The following PHC3 variants were observed in gnomAD, a reference collection of about 807,000 sequenced individuals.
PHC3 encodes polyhomeotic-like protein 3.
PHC3 carries 13 observed loss-of-function variants against 107.4 expected under a neutral mutation model. The ratio of observed to expected loss-of-function variants is 0.12; its 90% CI spans 0.08 to 0.19. PHC3 has a LOEUF of 0.19. Ranked by LOEUF, PHC3 falls within the 10% of genes least tolerant of loss-of-function variation. PHC3 has a pLI of 1.00. For missense variants in PHC3, 992 were observed against 1,210.9 expected (o/e 0.82, Z 2.68); for synonymous variants, 456 against 427.4 (o/e 1.07, Z -0.83).
chr3:170,114,730 C>A (rs1022362641), intron 10 of PHC3, among the ~76,000 whole-genome samples: 1 of 152,110 alleles, frequency 6.6e-6, no homozygotes, highest in Non-Finnish European at 1.5e-5. Context: ...CACTGGTGAG[C>A]CCTCAGCTAA....
At chr3:170,120,730 G>A (rs768071327) in intron 9 of PHC3, among the ~76,000 whole-genome samples, 7 of 152,160 alleles carry the variant, frequency 4.6e-5, no homozygotes, top group Admixed American at 2.0e-4. Context: ...ATAGAAGCTC[G>A]AGAGAAAAGA....
In PHC3 at chr3:170,176,879, T is replaced by A. The variant is rs76506725; in HGVS notation, c.180+1894A>T. 2.9e-3 allele frequency: 1,330 copies of A among 452,842 alleles called. 7 individuals are homozygous for A. Among genetic ancestry groups the A allele is most frequent in the Non-Finnish European group, 4.9e-3 (1,108 of 226,130 alleles). The allele number at this position is 452,842 out of a possible 1,614,324, so 28.1% of individuals were successfully genotyped here. ...AGTAGTCTCACCCTCATTTTAGTTTTCTGAGGCTCAAGGGGATTATGTCTC... is the reference window on the plus strand; with the variant it reads ...AGTAGTCTCACCCTCATTTTAGTTTACTGAGGCTCAAGGGGATTATGTCTC... On this transcript the variant is annotated intron_variant, in intron 2 of 14. Coordinates refer to ENST00000495893, the MANE Select transcript of PHC3 (RefSeq NM_024947.4).
chr3:170,176,601 T>C (rs1167989021), intron 2 of PHC3, among the ~76,000 whole-genome samples: 1 of 152,224 alleles, frequency 6.6e-6, no homozygotes, highest in African/African-American at 2.4e-5. Flanking sequence ...GGGAAAGTTA[T>C]TTAGCTGATT....
At chr3:170,177,666 ATTTTTT>A (rs67401455) in intron 2 of PHC3, among the ~76,000 whole-genome samples, 1 of 101,968 alleles carries the variant, frequency 9.8e-6, no homozygotes, top group Non-Finnish European at 1.9e-5. Context: ...CACGCCCAGC[ATTTTTT>A]TTTTTTTTTT....
intron 7 of PHC3, among the ~76,000 whole-genome samples, chr3:170,134,159 AT>A (rs1462559520): frequency 1.3e-5 from 2 of 151,966 alleles, no homozygotes; most frequent in African/African-American, 2.4e-5. Flanking sequence ...AAAAAAAAAA[AT>A]AAGAATTCGT....
chr3:170,153,383 T>C (rs1205309342), intron 4 of PHC3, among the ~76,000 whole-genome samples: 2 of 152,154 alleles, frequency 1.3e-5, no homozygotes, highest in African/African-American at 4.8e-5. Flanking sequence ...CTTTAATATC[T>C]GCAAACTGAT....
intron 8 of PHC3, among the ~76,000 whole-genome samples, chr3:170,125,204 C>A (rs1024205967): frequency 6.6e-6 from 1 of 151,872 alleles, no homozygotes; most frequent in Non-Finnish European, 1.5e-5. Flanking sequence ...TTGTTCGGAG[C>A]AACAATTATA....
At chr3:170,104,331 G>GT in intron 12 of PHC3, among the ~76,000 whole-genome samples, 1 of 152,206 alleles carries the variant, frequency 6.6e-6, no homozygotes, top group Non-Finnish European at 1.5e-5. Context: ...AGAAAGAAGA[G>GT]TGAGAAGAAA....
intron 1 of PHC3, among the ~76,000 whole-genome samples, chr3:170,179,357 A>C (rs1238377293): frequency 6.6e-6 from 1 of 152,232 alleles, no homozygotes; most frequent in African/African-American, 2.4e-5. Flanking sequence ...AGTCATTCTT[A>C]CCTATACATT....
At chr3:170,140,152 G>T (rs1723795204) in intron 6 of PHC3, among the ~76,000 whole-genome samples, 1 of 149,560 alleles carries the variant, frequency 6.7e-6, no homozygotes. Flanking sequence ...AATCCAAAGG[G>T]TTGTTTTTTT....
At chr3:170,145,236 G>A (rs1257111671) in intron 6 of PHC3, among the ~76,000 whole-genome samples, 187 bp downstream of exon 6, 1 of 152,052 alleles carries the variant, frequency 6.6e-6, no homozygotes, top group Non-Finnish European at 1.5e-5. Context: ...TGTGTTTAAT[G>A]GTATTATAAT....
intron 2 of PHC3, among the ~76,000 whole-genome samples, chr3:170,174,012 G>C (rs1177943788): frequency 1.3e-5 from 2 of 152,104 alleles, no homozygotes; most frequent in African/African-American, 4.8e-5. Context: ...GGCCAACATA[G>C]TGAAACCCTG....
At chr3:170,101,081 C>T (rs1715391472) in intron 14 of PHC3, among the ~76,000 whole-genome samples, 1 of 152,166 alleles carries the variant, frequency 6.6e-6, no homozygotes, top group Admixed American at 6.5e-5. Context: ...AAAACCACAA[C>T]CAATGAAGAC....
chr3:170,136,599 T>C lies in PHC3; in HGVS notation c.739A>G (p.Lys247Glu), dbSNP rs1407870366. The change falls in exon 7 of 15, where the codon AAA becomes GAA. Residue 247 changes from lysine (K) to glutamate (E), a missense_variant. Physicochemically the swap from Lys to Glu is moderately conservative, Grantham distance 56. Coordinates refer to ENST00000495893, the MANE Select transcript of PHC3 (RefSeq NM_024947.4). ...VLSSSQNGPP[K>E]STSQTQSLTI... ...AATGACTGAGTTTGACTAGTGCTTT[T>C]TGGTGGACCATTCTGTGAGCTAGAT... 2.5e-6 allele frequency: 4 copies of C among 1,613,890 alleles called. No individual in the cohort carries two copies. The highest frequency in any genetic ancestry group is 1.6e-4 in the Middle Eastern group (1 of 6,062).
At chr3:170,126,529 T>TATCTATATCTATA (rs1491097010) in intron 8 of PHC3, among the ~76,000 whole-genome samples, 2 of 39,984 alleles carry the variant, frequency 5.0e-5, no homozygotes, top group Admixed American at 3.0e-4. Context: ...TATATATATA[T>TATCTATATCTATA]TTTTTTTTTT....
At chr3:170,112,175 T>C (rs117226733) in intron 11 of PHC3, among the ~76,000 whole-genome samples, 2 of 152,216 alleles carry the variant, frequency 1.3e-5, no homozygotes, top group East Asian at 3.9e-4. Flanking sequence ...TTGCTTTCCT[T>C]CAGTCATTTT....
chr3:170,168,632 T>TA (rs1267888732), intron 4 of PHC3, among the ~76,000 whole-genome samples: 1 of 151,808 alleles, frequency 6.6e-6, no homozygotes, highest in Non-Finnish European at 1.5e-5. Flanking sequence ...CGGGCGCCTG[T>TA]AGTCCCAGCT....
At chr3:170,129,834 G>A (rs542056791) in intron 7 of PHC3, among the ~76,000 whole-genome samples, 1 of 152,120 alleles carries the variant, frequency 6.6e-6, no homozygotes, top group African/African-American at 2.4e-5. Flanking sequence ...GGAGTAGCTG[G>A]GATTACAGGT....
intron 2 of PHC3, among the ~76,000 whole-genome samples, chr3:170,177,541 A>C (rs1306076592): frequency 6.6e-6 from 1 of 151,958 alleles, no homozygotes; most frequent in Non-Finnish European, 1.5e-5. Flanking sequence ...TAATTTTTGT[A>C]TTCTTAGTAG....
Sources: allele counts gnomAD v4.1 joint callset (sites outside exome capture counted in the v4.1 genomes callset), GRCh38; gene constraint gnomAD v4.1.1; transcripts MANE v1.5; gene names NCBI Gene and HGNC (gene_info 2026-07-23, HGNC 2026-07-21).